Variants in SP4 observed in about 807,000 individuals in gnomAD.
SP4 encodes transcription factor Sp4.
A neutral mutation model predicts 72.8 loss-of-function variants in SP4; 19 were observed. The ratio of observed to expected loss-of-function variants is 0.26; its 90% CI spans 0.18 to 0.38. SP4 has a LOEUF of 0.38. Ranked by LOEUF, SP4 falls within the 10% of genes least tolerant of loss-of-function variation. The pLI is 1.00. For missense variants in SP4, 1,008 were observed against 926.3 expected, an observed-to-expected ratio of 1.09 and a Z score of -1.14; for synonymous variants, 395 against 333.1, an observed-to-expected ratio of 1.19 and a Z score of -2.02.
chr7:21,478,839 G>A (rs531194878), intron 4 of SP4, among the ~76,000 whole-genome samples: 4 of 152,184 alleles, frequency 2.6e-5, no homozygotes, highest in Non-Finnish European at 5.9e-5. Flanking sequence ...GGAGGCCAAG[G>A]CAGGTGGATC....
chr7:21,468,698 C>T (rs1036380550), intron 3 of SP4, among the ~76,000 whole-genome samples: 12 of 151,848 alleles, frequency 7.9e-5, no homozygotes, highest in African/African-American at 2.7e-4. Context: ...ATGACAGTTT[C>T]GTTACTTCCT....
At chr7:21,483,929 A>G (rs533115749) in intron 5 of SP4, among the ~76,000 whole-genome samples, 6 of 152,030 alleles carry the variant, frequency 3.9e-5, no homozygotes, top group African/African-American at 1.2e-4. Context: ...GTACCAAGAT[A>G]CATGTGGGAC....
Position 21,443,215 on chromosome 7 carries a change from A to C in SP4, c.1678+12372A>C, listed in dbSNP as rs190256170. The stretch of plus-strand genomic sequence containing the variant: ...GCATTGCTTAGTATCTGTCATTCTG[A>C]TACTGAACCAGAAGAAAGGACACAG... On this transcript the variant is annotated intron_variant, in intron 3 of 5. Coordinates refer to ENST00000222584, the MANE Select transcript of SP4 (RefSeq NM_003112.5). Among the ~76,000 whole-genome samples, 14 of 152,286 alleles carry C rather than the reference A, an allele frequency of 9.2e-5. No individual in the cohort carries two copies. The East Asian group carries it at 2.7e-3, about 29-fold the overall frequency.
chr7:21,465,963 G>A (rs910408529), intron 3 of SP4, among the ~76,000 whole-genome samples: 1 of 152,070 alleles, frequency 6.6e-6, no homozygotes. Flanking sequence ...GTGGTATGCT[G>A]TCTCAGGGTT....
chr7:21,509,999 GAC>G (rs1182206434), intron 5 of SP4, among the ~76,000 whole-genome samples: 1 of 152,136 alleles, frequency 6.6e-6, no homozygotes, highest in Admixed American at 6.5e-5. Context: ...GAATAAGGAA[GAC>G]ACAAAAGCAG....
chr7:21,428,188 G>GGCC lies in SP4; in HGVS notation c.-64_-63insGCC. 9 of 371,870 alleles carry GGCC rather than the reference G, an allele frequency of 2.4e-5. No individual in the cohort carries two copies. The highest frequency in any genetic ancestry group is 6.6e-5 in the East Asian group (1 of 15,050). 23.0% of individuals were successfully genotyped at this position (371,870 alleles called of 1,614,324 possible). ...CGGGACCGGCCTCTCCTCCCGCCTC[G>GGCC]CCCCCACCCCCACCCACCTCTATCC... On this transcript the variant is annotated 5_prime_UTR_variant, in exon 1 of 6. Transcript: ENST00000222584.
At position 21,468,223 on chromosome 7, in the gene SP4, T is replaced by C. The variant is rs116430054; in HGVS notation, c.1679-8856T>C. ...TTTAATTACTGTAGCTACCTACATA[T>C]CTTTATTCTACTATTCTGCTTTTTC... On this transcript the variant is annotated intron_variant, in intron 3 of 5. Coordinates refer to ENST00000222584, the MANE Select transcript of SP4 (RefSeq NM_003112.5). Among the ~76,000 whole-genome samples the C allele has an allele frequency of 9.7e-3, 1,477 of 152,280 alleles. 29 individuals are homozygous for C. Among genetic ancestry groups the C allele is most frequent in the African/African-American group, 0.034 (1,424 of 41,584 alleles).
chr7:21,465,276 A>T (rs968781260), intron 3 of SP4, among the ~76,000 whole-genome samples: 2 of 152,196 alleles, frequency 1.3e-5, no homozygotes, highest in African/African-American at 2.4e-5. Flanking sequence ...TTCAAGCATC[A>T]GAATTGATAG....
chr7:21,479,756 A>G (rs777489304), intron 4 of SP4, among the ~76,000 whole-genome samples: 5 of 152,288 alleles, frequency 3.3e-5, no homozygotes, highest in East Asian at 1.9e-4. Context: ...CTTTTGGTCT[A>G]TGCACATGGG....
At chr7:21,448,396 A>T (rs1289707504) in intron 3 of SP4, among the ~76,000 whole-genome samples, 5 of 152,078 alleles carry the variant, frequency 3.3e-5, no homozygotes, top group African/African-American at 7.3e-5. Flanking sequence ...ATTAAAGATC[A>T]TTGAGCAGTC....
chr7:21,438,412 G>A (rs1783120643), intron 3 of SP4, among the ~76,000 whole-genome samples: 5 of 152,038 alleles, frequency 3.3e-5, no homozygotes. Context: ...TTTCATAGAG[G>A]CTGTATGAGG....
intron 3 of SP4, among the ~76,000 whole-genome samples, chr7:21,457,767 A>G (rs537415962): frequency 1.1e-4 from 16 of 151,974 alleles, no homozygotes; most frequent in African/African-American, 2.2e-4. Context: ...TTTTTTTTCA[A>G]TAGGGGTGTG....
intron 3 of SP4, among the ~76,000 whole-genome samples, chr7:21,466,847 A>G (rs900209528): frequency 2.6e-5 from 4 of 152,124 alleles, no homozygotes; most frequent in Non-Finnish European, 4.4e-5. Context: ...ATGTCTGTCA[A>G]AACTGTCACA....
chr7:21,446,486 C>G (rs2128396667), intron 3 of SP4, among the ~76,000 whole-genome samples: 1 of 151,618 alleles, frequency 6.6e-6, no homozygotes, highest in East Asian at 1.9e-4. Context: ...CAGTTTGTCT[C>G]TGCCATTAAA....
intron 4 of SP4, among the ~76,000 whole-genome samples, 186 bp downstream of exon 4, chr7:21,477,493 C>T (rs1284716197): frequency 6.6e-6 from 1 of 152,184 alleles, no homozygotes; most frequent in Non-Finnish European, 1.5e-5. Context: ...GGTCCTCCGC[C>T]TTGTTCCTTA....
intron 5 of SP4, among the ~76,000 whole-genome samples, chr7:21,507,433 C>G (rs1161113826): frequency 2.0e-5 from 3 of 152,174 alleles, no homozygotes; most frequent in African/African-American, 7.2e-5. Flanking sequence ...CTCCTGCTGC[C>G]CCTTGATTTT....
intron 3 of SP4, among the ~76,000 whole-genome samples, chr7:21,442,887 C>T (rs1783306540): frequency 6.6e-6 from 1 of 152,162 alleles, no homozygotes; most frequent in Admixed American, 6.5e-5. Context: ...AGGCGCCTGC[C>T]ATCACACCCA....
chr7:21,457,051 C>A (rs1354450379), intron 3 of SP4, among the ~76,000 whole-genome samples: 1 of 152,170 alleles, frequency 6.6e-6, no homozygotes, highest in Non-Finnish European at 1.5e-5. Context: ...AGGTATCTTA[C>A]CACTGGGAAA....
chr7:21,471,080 C>G (rs749715088), intron 3 of SP4: 4 of 534,558 alleles, frequency 7.5e-6, no homozygotes, highest in Non-Finnish European at 1.5e-5. Flanking sequence ...CTCGGAGACA[C>G]AGAACATTAG....
Sources: allele counts gnomAD v4.1 joint callset (sites outside exome capture counted in the v4.1 genomes callset), GRCh38; gene constraint gnomAD v4.1.1; transcripts MANE v1.5; gene names NCBI Gene and HGNC (gene_info 2026-07-23, HGNC 2026-07-21).